Variants in NEGR1 observed in about 807,000 individuals in gnomAD.
The protein encoded by NEGR1 is neuronal growth regulator 1, also known as IgLON family member 4.
NEGR1 carries 10 observed loss-of-function variants against 40.9 expected under a neutral mutation model. The observed-to-expected ratio is 0.24, with a 90% CI of 0.15 to 0.42. NEGR1 has a LOEUF of 0.42. Ranked by LOEUF, NEGR1 falls within the 10% of genes least tolerant of loss-of-function variation. NEGR1 has a pLI of 1.00. For synonymous variants in NEGR1, 185 were observed against 166.8 expected (o/e 1.11, Z -0.84); for missense variants, 352 against 438.9 (o/e 0.80, Z 1.77).
intron 1 of NEGR1, among the ~76,000 whole-genome samples, chr1:72,043,499 T>G (rs1359243036): frequency 6.6e-6 from 1 of 151,830 alleles, no homozygotes; most frequent in African/African-American, 2.4e-5. Context: ...TATTCACAAA[T>G]AATTTTAAAA....
intron 1 of NEGR1, among the ~76,000 whole-genome samples, chr1:72,271,516 C>T (rs746130280): frequency 5.3e-5 from 8 of 151,684 alleles, no homozygotes; most frequent in Non-Finnish European, 7.4e-5. Flanking sequence ...GAACTTATTC[C>T]AAAAAATGGC....
intron 1 of NEGR1, among the ~76,000 whole-genome samples, chr1:72,248,604 T>C (rs958721790): frequency 4.1e-5 from 6 of 146,408 alleles, no homozygotes; most frequent in African/African-American, 1.5e-4. Flanking sequence ...TTATTATTAT[T>C]ATTATTATTA....
At chr1:72,195,847 C>T (rs1051458199) in intron 1 of NEGR1, among the ~76,000 whole-genome samples, 2 of 151,904 alleles carry the variant, frequency 1.3e-5, no homozygotes, top group Non-Finnish European at 2.9e-5. Flanking sequence ...AAAATTAACA[C>T]CAAGCTGCAA....
At chr1:71,694,867 C>T (rs1001823489) in intron 4 of NEGR1, among the ~76,000 whole-genome samples, 12 of 151,646 alleles carry the variant, frequency 7.9e-5, no homozygotes, top group African/African-American at 1.7e-4. Flanking sequence ...TAATTCTATG[C>T]GCACAATCAA....
chr1:72,159,946 C>A lies in NEGR1; in HGVS notation c.176+122373G>T, dbSNP rs113007584. 2.9e-3 allele frequency among the ~76,000 whole-genome samples: 441 copies of A among 152,094 alleles called. 2 individuals carry two copies. Among genetic ancestry groups the A allele is most frequent in the African/African-American group, 0.01 (422 of 41,512 alleles). Reference sequence around the variant, plus strand: ...ATAACAGTTTCTTGACTCTTTGATACAAAAATAATTTGTAGCCAAAGTTAA... The same window carrying A: ...ATAACAGTTTCTTGACTCTTTGATAAAAAAATAATTTGTAGCCAAAGTTAA... On this transcript the variant is annotated intron_variant, in intron 1 of 6. Transcript: ENST00000357731.
At chr1:71,493,360 C>A (rs1442576594) in intron 6 of NEGR1, among the ~76,000 whole-genome samples, 1 of 152,006 alleles carries the variant, frequency 6.6e-6, no homozygotes, top group Non-Finnish European at 1.5e-5. Flanking sequence ...TGATGGGAAG[C>A]CCAATTTTTC....
chr1:71,986,689 G>T (rs1646397548), intron 1 of NEGR1, among the ~76,000 whole-genome samples: 1 of 152,168 alleles, frequency 6.6e-6, no homozygotes, highest in South Asian at 2.1e-4. Context: ...GTCTCTCTGG[G>T]CCACCCATAA....
chr1:71,419,331 C>T (rs1646377784), intron 6 of NEGR1, among the ~76,000 whole-genome samples: 2 of 152,232 alleles, frequency 1.3e-5, no homozygotes, highest in African/African-American at 4.8e-5. Flanking sequence ...CTCCATGGTG[C>T]TTTGCACATA....
intron 1 of NEGR1, among the ~76,000 whole-genome samples, chr1:72,122,367 C>A (rs564903897): frequency 5.3e-5 from 8 of 151,824 alleles, no homozygotes; most frequent in Non-Finnish European, 1.2e-4. Flanking sequence ...AAAGAAATGG[C>A]CTTTGCAAGA....
intron 1 of NEGR1, among the ~76,000 whole-genome samples, chr1:72,217,162 C>T (rs1408476892): frequency 6.6e-6 from 1 of 151,584 alleles, no homozygotes; most frequent in Non-Finnish European, 1.5e-5. Context: ...TTTTTAGGCA[C>T]CATGGAATTG....
intron 4 of NEGR1, among the ~76,000 whole-genome samples, chr1:71,633,956 G>A (rs1042264623): frequency 1.2e-4 from 18 of 152,072 alleles, no homozygotes; most frequent in Non-Finnish European, 2.2e-4. Context: ...CAAAAACCTT[G>A]AGACTTATAA....
At chr1:71,951,253 C>T (rs1267374242) in intron 1 of NEGR1, among the ~76,000 whole-genome samples, 1 of 151,802 alleles carries the variant, frequency 6.6e-6, no homozygotes, top group Non-Finnish European at 1.5e-5. Flanking sequence ...GAAACAGTTG[C>T]CTTTCATCTT....
At chr1:71,649,653 T>G (rs1406035464) in intron 4 of NEGR1, among the ~76,000 whole-genome samples, 1 of 152,140 alleles carries the variant, frequency 6.6e-6, no homozygotes, top group Non-Finnish European at 1.5e-5. Flanking sequence ...TGAATATTAT[T>G]TTTCTCTTTA....
At chr1:71,839,679 G>T (rs1659169090) in intron 2 of NEGR1, among the ~76,000 whole-genome samples, 1 of 152,142 alleles carries the variant, frequency 6.6e-6, no homozygotes, top group Admixed American at 6.6e-5. Context: ...TTCTTCATTT[G>T]CAGAGTTGGG....
chr1:71,852,309 T>C (rs954210973), intron 2 of NEGR1, among the ~76,000 whole-genome samples: 1 of 152,146 alleles, frequency 6.6e-6, no homozygotes. Flanking sequence ...TTGCTTTTCA[T>C]ATTCTGTCAG....
chr1:72,166,040 T>A (rs1651751541), intron 1 of NEGR1, among the ~76,000 whole-genome samples: 1 of 152,050 alleles, frequency 6.6e-6, no homozygotes. Flanking sequence ...TAGAATAGAC[T>A]GGAATTAGAG....
chr1:71,569,918 G>C (rs1480760341), intron 6 of NEGR1, among the ~76,000 whole-genome samples: 1 of 152,094 alleles, frequency 6.6e-6, no homozygotes, highest in Non-Finnish European at 1.5e-5. Context: ...TGAAGCACTG[G>C]GTTTCTTTTT....
intron 2 of NEGR1, among the ~76,000 whole-genome samples, chr1:71,798,541 GA>G (rs1199146693): frequency 6.6e-6 from 1 of 152,096 alleles, no homozygotes; most frequent in Admixed American, 6.6e-5. Context: ...GCATATTAAA[GA>G]ATTACATCTT....
At chr1:71,478,865 A>G (rs961947008) in intron 6 of NEGR1, among the ~76,000 whole-genome samples, 6 of 149,376 alleles carry the variant, frequency 4.0e-5, no homozygotes, top group Admixed American at 3.3e-4. Context: ...ATAGATAGGG[A>G]AAAAAAAATC....
Sources: gnomAD v4.1 joint callset for allele counts (sites outside exome capture counted in the v4.1 genomes callset) on GRCh38, gnomAD v4.1.1 for gene constraint, MANE v1.5 for transcripts, NCBI Gene and HGNC (gene_info 2026-07-23, HGNC 2026-07-21) for gene names.